The following LDAF1 variants were observed in gnomAD, a reference collection of about 807,000 sequenced individuals.
LDAF1 encodes the protein PROMETHIN.
A neutral mutation model predicts 13.5 loss-of-function variants in LDAF1; 7 were observed. That is an observed-to-expected ratio of 0.52 (90% confidence interval 0.29 to 0.97). The LOEUF is 0.97. Ranked by LOEUF, LDAF1 falls within the 50% of genes least tolerant of loss-of-function variation. The pLI, the probability that LDAF1 is intolerant of heterozygous loss-of-function variation, is 0.07. For missense variants in LDAF1, 148 were observed against 193.2 expected (o/e 0.77, Z 1.39); for synonymous variants, 69 against 77.1 (o/e 0.89, Z 0.55).
chr16:21,174,241 GTGCAGTGGCA>G, intron 4 of LDAF1, 93 bp downstream of exon 4: 1 of 1,239,328 alleles, frequency 8.1e-7, no homozygotes, highest in Non-Finnish European at 1.1e-6. Flanking sequence ...TCAGGCTGGA[GTGCAGTGGCA>G]TGAACATAGC....
intron 2 of LDAF1, among the ~76,000 whole-genome samples, chr16:21,165,067 C>T (rs1228009403): frequency 3.3e-5 from 5 of 152,240 alleles, no homozygotes; most frequent in African/African-American, 1.2e-4. Flanking sequence ...CTCAGCTGTA[C>T]TTCCTGGGAG....
intron 4 of LDAF1, chr16:21,179,257 G>T (rs1342768233): frequency 1.6e-6 from 1 of 623,528 alleles, no homozygotes; most frequent in Non-Finnish European, 2.0e-6. Context: ...ATCCAAATTA[G>T]AAAATGGAAA....
At chr16:21,173,299 C>T (rs1437583157) in intron 3 of LDAF1, 1 of 152,356 alleles carries the variant, frequency 6.6e-6, no homozygotes, top group East Asian at 1.9e-4. Flanking sequence ...CACTTTGAGA[C>T]ATTAGAGATA....
intron 2 of LDAF1, chr16:21,165,573 C>G: frequency 1.0e-6 from 1 of 983,904 alleles, no homozygotes; most frequent in African/African-American, 1.7e-5. Flanking sequence ...CCCTTCTCTT[C>G]CCTCTCTGCC....
intron 2 of LDAF1, 115 bp downstream of exon 2, chr16:21,161,393 T>C (rs2092972701): frequency 7.6e-7 from 1 of 1,316,150 alleles, no homozygotes; most frequent in Non-Finnish European, 1.0e-6. Context: ...TCAAGAATCT[T>C]TCTGGCTTAC....
At chr16:21,174,787 G>A (rs1240796954) in intron 4 of LDAF1, among the ~76,000 whole-genome samples, 1 of 151,996 alleles carries the variant, frequency 6.6e-6, no homozygotes. Flanking sequence ...GGCGGGGTGG[G>A]GCAGAGAGGC....
chr16:21,165,732 TG>T, intron 2 of LDAF1: 4 of 548,814 alleles, frequency 7.3e-6, no homozygotes, highest in Non-Finnish European at 9.3e-6. Context: ...GTTTGTTCCC[TG>T]TTTTTTTTTT....
intron 2 of LDAF1, among the ~76,000 whole-genome samples, chr16:21,169,726 T>A (rs2093067032): frequency 6.6e-6 from 1 of 152,266 alleles, no homozygotes; most frequent in South Asian, 2.1e-4. Flanking sequence ...GTATGTACCT[T>A]ACATCAATGC....
At chr16:21,159,944 T>G in intron 1 of LDAF1, 1 of 985,226 alleles carries the variant, frequency 1.0e-6, no homozygotes, top group Non-Finnish European at 1.2e-6. Context: ...AAAGAGAGAA[T>G]GTGGGGTGGT....
At chr16:21,159,190 C>A (rs2092931758) in intron 1 of LDAF1, 3 of 891,288 alleles carry the variant, frequency 3.4e-6, no homozygotes, top group Non-Finnish European at 5.6e-6. Context: ...GGTCCCCTTC[C>A]CCATCGCTGC....
Position 21,179,784 on chromosome 16 carries a change from C to T in LDAF1, c.*228C>T, listed in dbSNP as rs1441264363. The T allele has an allele frequency of 1.7e-5, 8 of 479,448 alleles. No homozygotes were observed. The highest frequency in any genetic ancestry group is 3.9e-5 in the East Asian group (1 of 25,570). The allele number at this position is 479,448 out of a possible 1,614,324, so 29.7% of individuals were successfully genotyped here. A position where few individuals can be genotyped will look rare whatever the true frequency, so the allele number is the denominator to read the frequency against. Reference sequence around the variant, plus strand: ...AGAGAAATGCGATGGTTCAACAGCTCGCCCTGCCCCAAGTATGCAGACTTG... The same window carrying T: ...AGAGAAATGCGATGGTTCAACAGCTTGCCCTGCCCCAAGTATGCAGACTTG... On this transcript the variant is annotated 3_prime_UTR_variant, in exon 5 of 5. Coordinates refer to ENST00000233047, the MANE Select transcript of LDAF1 (RefSeq NM_001301771.2).
intron 4 of LDAF1, chr16:21,178,490 A>T (rs899692624): frequency 1.4e-6 from 1 of 697,012 alleles, no homozygotes; most frequent in South Asian, 6.4e-5. Context: ...TTATTGCTTA[A>T]TGAAAAACTG....
chr16:21,165,155 C>A (rs571494145), intron 2 of LDAF1, among the ~76,000 whole-genome samples: 1 of 152,214 alleles, frequency 6.6e-6, no homozygotes, highest in East Asian at 1.9e-4. Context: ...ATTATAGAGC[C>A]CAGACTCGGA....
chr16:21,165,733 GT>G (rs927030797), intron 2 of LDAF1: 526 of 485,560 alleles, frequency 1.1e-3, no homozygotes, highest in Non-Finnish European at 1.2e-3. Context: ...TTTGTTCCCT[GT>G]TTTTTTTTTC....
chr16:21,164,244 T>A (rs905487803), intron 2 of LDAF1, among the ~76,000 whole-genome samples: 4 of 152,040 alleles, frequency 2.6e-5, no homozygotes, highest in East Asian at 3.9e-4. Flanking sequence ...TTTTAAAATT[T>A]TTTATTTATT....
intron 2 of LDAF1, among the ~76,000 whole-genome samples, chr16:21,164,092 G>A (rs528414403): frequency 6.6e-6 from 1 of 152,264 alleles, no homozygotes; most frequent in South Asian, 2.1e-4. Context: ...TCTGATACCA[G>A]GGAATTTGCC....
At chr16:21,171,918 G>C (rs374896116) in intron 3 of LDAF1, among the ~76,000 whole-genome samples, 2 of 151,490 alleles carry the variant, frequency 1.3e-5, no homozygotes, top group East Asian at 3.9e-4. Flanking sequence ...TTGTATTTTT[G>C]GTAGAGATAG....
Position 21,165,506 on chromosome 16 carries a change from C to G in LDAF1, c.96+4228C>G. 7.4e-6 allele frequency: 6 copies of G among 814,748 alleles called. No homozygotes were observed. In the South Asian group the frequency reaches 2.8e-4, roughly 39 times the overall value. The allele number at this position is 814,748 out of a possible 1,614,324, so 50.5% of individuals were successfully genotyped here. A position where few individuals can be genotyped will look rare whatever the true frequency, so the allele number is the denominator to read the frequency against. ...TTTATATCCCTGTGCCATACAGTCC[C>G]TAAGTCCTGTGTATTCCTTCTTTTG... On this transcript the variant is annotated intron_variant, in intron 2 of 4. Coordinates refer to ENST00000233047, the MANE Select transcript of LDAF1 (RefSeq NM_001301771.2).
intron 2 of LDAF1, among the ~76,000 whole-genome samples, chr16:21,167,405 C>T (rs957375138): frequency 2.6e-5 from 4 of 152,188 alleles, no homozygotes; most frequent in East Asian, 1.9e-4. Context: ...TCTAGAATAC[C>T]AGTACTGAGG....
Sources: allele counts gnomAD v4.1 joint callset (sites outside exome capture counted in the v4.1 genomes callset), GRCh38; gene constraint gnomAD v4.1.1; transcripts MANE v1.5; gene names NCBI Gene and HGNC (gene_info 2026-07-23, HGNC 2026-07-21).